GPATCH2L: variants seen among roughly 807,000 people sequenced by gnomAD.
GPATCH2L encodes G-patch domain containing 2 like.
A neutral mutation model predicts 57.4 loss-of-function variants in GPATCH2L; 31 were observed. That is an observed-to-expected ratio of 0.54 (90% confidence interval 0.41 to 0.73). GPATCH2L has a LOEUF of 0.73. GPATCH2L is among the 30% of genes least tolerant of loss of function. The pLI, the probability that GPATCH2L is intolerant of heterozygous loss-of-function variation, is 0.00. For synonymous variants in GPATCH2L, 199 were observed against 210.7 expected (o/e 0.94, Z 0.48); for missense variants, 481 against 599.9 (o/e 0.80, Z 2.07).
intron 3 of GPATCH2L, among the ~76,000 whole-genome samples, chr14:76,167,907 C>T (rs1487698057): frequency 1.3e-5 from 2 of 152,142 alleles, no homozygotes; most frequent in Non-Finnish European, 2.9e-5. Context: ...TCAAAATGCA[C>T]CTCTTAAAGG....
intron 1 of GPATCH2L, among the ~76,000 whole-genome samples, chr14:76,220,094 T>C (rs1352201570): frequency 2.0e-5 from 3 of 152,200 alleles, no homozygotes; most frequent in African/African-American, 7.2e-5. Context: ...CTGACAACTT[T>C]TGCATGAGCA....
rs376970773 is a variant in GPATCH2L at position 76,190,677 on chromosome 14, CTAT to C, written c.1194-5196_1194-5194del. 2.1e-4 allele frequency among the ~76,000 whole-genome samples: 32 copies of C among 152,192 alleles called. No homozygotes were observed. In the South Asian group the frequency reaches 6.6e-3, roughly 32 times the overall value. On this transcript the variant is annotated intron_variant, in intron 8 of 9. Transcript: ENST00000261530. Reference sequence around the variant, plus strand: ...TTCTTTAGGTTGAATACTTAGATCTCTATTATTGACTAGGTTGGCTCTGGGAAT... The same window carrying C: ...TTCTTTAGGTTGAATACTTAGATCTCTATTGACTAGGTTGGCTCTGGGAAT...
rs2040439602 is a variant in GPATCH2L, at chr14:76,211,438, T to C, written c.*9587T>C. 2.0e-5 allele frequency: 3 copies of C among 152,224 alleles called. No individual in the cohort carries two copies. Among genetic ancestry groups the C allele is most frequent in the Admixed American group, 6.5e-5 (1 of 15,270 alleles). The allele number at this position is 152,224 out of a possible 1,614,324, so 9.4% of individuals were successfully genotyped here. A position where few individuals can be genotyped will look rare whatever the true frequency, so the allele number is the denominator to read the frequency against. ...CTTATTGGTAGGAGCTACTGACATG[T>C]TAAAACTAGGTTAAACTGAATTGGA... On this transcript the variant is annotated 3_prime_UTR_variant, in exon 10 of 10. Coordinates refer to ENST00000261530, the MANE Select transcript of GPATCH2L (RefSeq NM_017926.4).
intron 1 of GPATCH2L, among the ~76,000 whole-genome samples, chr14:76,220,593 A>G (rs1032732127): frequency 6.6e-6 from 1 of 152,214 alleles, no homozygotes; most frequent in African/African-American, 2.4e-5. Flanking sequence ...AATTTAACCT[A>G]ATTAATGTCC....
chr14:76,190,648 A>G (rs1033108021), intron 8 of GPATCH2L, among the ~76,000 whole-genome samples: 4 of 152,106 alleles, frequency 2.6e-5, no homozygotes, highest in African/African-American at 4.8e-5. Flanking sequence ...TAATCATTCT[A>G]TTATTCTTTA....
rs1469370136 is a variant in GPATCH2L at position 76,206,979 on chromosome 14, G to C, written c.*5128G>C. 6.6e-6 allele frequency: 1 copy of C among 152,010 alleles called. No homozygotes were observed. The highest frequency in any genetic ancestry group is 1.5e-5 in the Non-Finnish European group (1 of 68,000). 9.4% of individuals were successfully genotyped at this position (152,010 alleles called of 1,614,324 possible). On this transcript the variant is annotated 3_prime_UTR_variant, in exon 10 of 10. Transcript: ENST00000261530. ...TCTTTTTGAAGAATTGACAAAGGAT[G>C]CTATCAAGGGCTATGTTTAGGTGGA...
At chr14:76,235,489 T>A (rs1177792285) in intron 2 of GPATCH2L, among the ~76,000 whole-genome samples, 1 of 152,242 alleles carries the variant, frequency 6.6e-6, no homozygotes, top group Non-Finnish European at 1.5e-5. Context: ...CCTTCTGCCA[T>A]GATTGTGAGG....
At chr14:76,167,539 G>A (rs1238486404) in intron 3 of GPATCH2L, among the ~76,000 whole-genome samples, 2 of 152,196 alleles carry the variant, frequency 1.3e-5, no homozygotes, top group African/African-American at 4.8e-5. Context: ...CCCAGTAACT[G>A]AAGAGATACT....
At position 76,154,553 on chromosome 14, in the gene GPATCH2L, G is replaced by T. The variant is rs750874470; in HGVS notation, c.190G>T (p.Ala64Ser). ...LAEHTCCYSE[A>S]SESSLDEATK... ...AGAGCATACCTGCTGCTACAGCGAG[G>T]CCTCTGAGTCAAGTCTGGATGAGGC... The change falls in exon 2 of 10, where the codon GCC (alanine) becomes TCC (serine). Residue 64 changes from alanine to serine, a missense_variant. Physicochemically the swap from Ala to Ser is moderately conservative, Grantham distance 99. Transcript: ENST00000261530. This position sits in a 1 kb window ranked among gnomAD's most constrained non-coding sequence, Gnocchi z 4.4. 2.3e-5 allele frequency: 37 copies of T among 1,614,100 alleles called. No homozygotes were observed. The highest frequency in any genetic ancestry group is 3.0e-5 in the Non-Finnish European group (35 of 1,180,044).
chr14:76,154,433 CTG>C lies in GPATCH2L; in HGVS notation c.73_74del (p.Trp25GlyfsTer25). 1 of 1,613,790 alleles carries C rather than the reference CTG, an allele frequency of 6.2e-7. No individual in the cohort carries two copies. Among genetic ancestry groups the C allele is most frequent in the Non-Finnish European group, 8.5e-7 (1 of 1,179,888 alleles). On this transcript the variant is annotated frameshift_variant, in exon 2 of 10. Transcript: ENST00000261530. LOFTEE classifies it high-confidence loss of function. This position sits in a 1 kb window ranked among gnomAD's most constrained non-coding sequence, Gnocchi z 4.4. ...ATCTGAGCAGAATAAGCTTGGTGAA[CTG>C]TGGGAGGAGATGGCGCTGAGCCCCC... Reference protein sequence around the residue: ...QTSEQNKLGELWEEMALSPRQ... With the variant: ...QTSEQNKLGEXWEEMALSPRQ...
chr14:76,197,323 T>C (rs927211746), intron 9 of GPATCH2L, among the ~76,000 whole-genome samples: 2 of 152,208 alleles, frequency 1.3e-5, no homozygotes, highest in African/African-American at 2.4e-5. Context: ...GTTCTTTTTT[T>C]CTCCTTAATA....
chr14:76,152,836 CTTTATTAGGGAAGTAGAT>C, intron 1 of GPATCH2L: 2 of 449,378 alleles, frequency 4.5e-6, no homozygotes, highest in Non-Finnish European at 8.9e-6. Flanking sequence ...AGCAGTAATT[CTTTATTAGGGAAGTAGAT>C]TTTGACATGC....
Position 76,195,930 on chromosome 14 carries a change from C to T in GPATCH2L, c.1246C>T (p.Arg416Trp), listed in dbSNP as rs745582833. ...PPCSRDIKRK[R>W]KPVATASLSS... ...ATGTTCACGTGACATCAAGAGGAAG[C>T]GGAAACCAGTGGCCACAGCATCTTT... The change falls in exon 9 of 10, where the codon CGG becomes TGG. Residue 416 changes from arginine (R) to tryptophan (W), a missense_variant. By Grantham distance (101) the Arg-to-Trp change is moderately radical. Coordinates refer to ENST00000261530, the MANE Select transcript of GPATCH2L (RefSeq NM_017926.4). The T allele has an allele frequency of 5.6e-6, 9 of 1,613,612 alleles. No homozygotes were observed. The highest frequency in any genetic ancestry group is 1.1e-5 in the South Asian group (1 of 91,080).
rs2040453012 is a variant in GPATCH2L, at chr14:76,212,477, T to C, written c.*10626T>C. On this transcript the variant is annotated 3_prime_UTR_variant, in exon 10 of 10. Coordinates refer to ENST00000261530, the MANE Select transcript of GPATCH2L (RefSeq NM_017926.4). ...ACGAGATAATGTTTCTAGATATCTGTGTACCAAATAATGGAAAACCATTTA... is the reference window on the plus strand; with the variant it reads ...ACGAGATAATGTTTCTAGATATCTGCGTACCAAATAATGGAAAACCATTTA... The C allele has an allele frequency of 6.6e-6, 1 of 151,778 alleles. No homozygotes were observed. The highest frequency in any genetic ancestry group is 2.1e-4 in the South Asian group (1 of 4,826). The allele number at this position is 151,778 out of a possible 1,614,324, so 9.4% of individuals were successfully genotyped here. A position where few individuals can be genotyped will look rare whatever the true frequency, so the allele number is the denominator to read the frequency against.
chr14:76,159,399 C>T (rs138375174), intron 2 of GPATCH2L, among the ~76,000 whole-genome samples: 16 of 152,296 alleles, frequency 1.1e-4, no homozygotes, highest in East Asian at 9.7e-4. Context: ...TGGTATTTGC[C>T]AGCAAGGGTG....
At chr14:76,220,410 A>G (rs113965584) in intron 1 of GPATCH2L, among the ~76,000 whole-genome samples, 3,369 of 152,316 alleles carry the variant, frequency 0.022, 72 homozygotes, top group South Asian at 0.077. Context: ...TAAGGACACA[A>G]AGGAACATTT....
At chr14:76,172,366 A>G (rs1362355626) in intron 4 of GPATCH2L, among the ~76,000 whole-genome samples, 1 of 152,240 alleles carries the variant, frequency 6.6e-6, no homozygotes, top group Non-Finnish European at 1.5e-5. Context: ...TTCAATAAGA[A>G]CATTCACATA....
At chr14:76,233,079 A>G (rs1040281599) in intron 2 of GPATCH2L, among the ~76,000 whole-genome samples, 1 of 152,226 alleles carries the variant, frequency 6.6e-6, no homozygotes, top group African/African-American at 2.4e-5. Context: ...CTTTTTGGGT[A>G]AGGCGGATTC....
chr14:76,221,968 T>C (rs2040516888), intron 1 of GPATCH2L, among the ~76,000 whole-genome samples: 1 of 152,222 alleles, frequency 6.6e-6, no homozygotes, highest in South Asian at 2.1e-4. Flanking sequence ...GTATCAACTA[T>C]GGACTTTGGA....
Sources: allele counts gnomAD v4.1 joint callset (sites outside exome capture counted in the v4.1 genomes callset), GRCh38; gene constraint gnomAD v4.1.1; non-coding constraint Gnocchi (gnomAD v3.1); transcripts MANE v1.5; gene names NCBI Gene and HGNC (gene_info 2026-07-23, HGNC 2026-07-21).